Variants in VPS8 observed in about 807,000 individuals in gnomAD.
VPS8 encodes VPS8 subunit of CORVET complex, also known as vacuolar protein sorting-associated protein 8 homolog.
Under a neutral mutation model 216.4 loss-of-function variants are expected in VPS8, and 129 were observed. That is an observed-to-expected ratio of 0.60 (90% confidence interval 0.52 to 0.69). VPS8 has a LOEUF of 0.69. Ranked by LOEUF, VPS8 falls within the 30% of genes least tolerant of loss-of-function variation. The pLI, the probability that VPS8 is intolerant of heterozygous loss-of-function variation, is 0.00. For missense variants in VPS8, 1,531 were observed against 1,683.5 expected (o/e 0.91, Z 1.59); for synonymous variants, 571 against 565.4 (o/e 1.01, Z -0.14).
In VPS8 at chr3:184,866,932, C is replaced by T. The variant is rs771339660; in HGVS notation, c.1452C>T (p.Ile484=). The T allele has an allele frequency of 1.9e-6, 3 of 1,613,052 alleles. No homozygotes were observed. Among genetic ancestry groups the T allele is most frequent in the Non-Finnish European group, 2.5e-6 (3 of 1,179,586 alleles). The change falls in exon 17 of 48, where the codon ATC becomes ATT. Residue 484 remains isoleucine (I), a synonymous_variant. Coordinates refer to ENST00000625842, the MANE Select transcript of VPS8 (RefSeq NM_001009921.3). The part of the protein sequence containing the change: ...YQSISSYGGQ[I]FYLGTKSVYV... ...CCATCAGTAGCTATGGTGGTCAGAT[C>T]TTTTATTTGGGGACAAAAGTAAGCT...
At chr3:184,868,126 A>T in intron 18 of VPS8, 67 bp downstream of exon 18, 1 of 1,525,262 alleles carries the variant, frequency 6.6e-7, no homozygotes, top group African/African-American at 1.4e-5. Flanking sequence ...TTCTGTTTTG[A>T]CTTTTCAGAA....
chr3:185,002,410 G>A (rs1448730200), intron 45 of VPS8, among the ~76,000 whole-genome samples: 4 of 152,048 alleles, frequency 2.6e-5, no homozygotes, highest in Admixed American at 6.6e-5. Context: ...CTACCTTCTC[G>A]AGCATCAAGA....
At chr3:184,944,324 A>C (rs1341885216) in intron 36 of VPS8, among the ~76,000 whole-genome samples, 4 of 152,192 alleles carry the variant, frequency 2.6e-5, no homozygotes, top group African/African-American at 7.2e-5. Context: ...GAAGGAAATT[A>C]CTTGCCTGAA....
intron 25 of VPS8, among the ~76,000 whole-genome samples, chr3:184,905,226 A>G (rs933225410): frequency 6.6e-6 from 1 of 152,134 alleles, no homozygotes. Flanking sequence ...TTTTCAACAC[A>G]TGAGTTTTGG....
chr3:184,949,773 T>C (rs1744317346), intron 36 of VPS8, among the ~76,000 whole-genome samples: 1 of 152,220 alleles, frequency 6.6e-6, no homozygotes, highest in Non-Finnish European at 1.5e-5. Context: ...TTGGCAAAAC[T>C]AAGGATTACA....
intron 46 of VPS8, among the ~76,000 whole-genome samples, chr3:185,036,558 C>A (rs1389691804): frequency 1.3e-5 from 2 of 151,636 alleles, no homozygotes; most frequent in African/African-American, 2.4e-5. Context: ...TTGATGAAGT[C>A]TTTAATGATT....
chr3:184,858,438 G>A (rs904654778), intron 14 of VPS8, among the ~76,000 whole-genome samples: 2 of 152,180 alleles, frequency 1.3e-5, no homozygotes, highest in Non-Finnish European at 2.9e-5. Flanking sequence ...CTAAAGAACT[G>A]AAGGTCTTGG....
intron 35 of VPS8, among the ~76,000 whole-genome samples, chr3:184,937,062 A>G (rs982334589): frequency 6.6e-6 from 1 of 152,160 alleles, no homozygotes. Context: ...TTTGAGATTC[A>G]TATTTATTCA....
chr3:184,917,436 C>A (rs1737793845), intron 28 of VPS8, among the ~76,000 whole-genome samples: 1 of 152,160 alleles, frequency 6.6e-6, no homozygotes, highest in Non-Finnish European at 1.5e-5. Context: ...TTCCCTCCTT[C>A]CTTCATTTTT....
At chr3:184,913,800 C>G (rs1578212986) in intron 26 of VPS8, among the ~76,000 whole-genome samples, 1 of 152,120 alleles carries the variant, frequency 6.6e-6, no homozygotes, top group Non-Finnish European at 1.5e-5. Flanking sequence ...CTACTGGTAT[C>G]TAGTGGGCAG....
At chr3:184,884,621 GA>G (rs1406416697) in intron 21 of VPS8, among the ~76,000 whole-genome samples, 1 of 152,084 alleles carries the variant, frequency 6.6e-6, no homozygotes, top group East Asian at 1.9e-4. Flanking sequence ...CTAACAGGCA[GA>G]TTTTTTTTTT....
In VPS8 at chr3:184,897,220, C is replaced by T. The variant is rs558303937; in HGVS notation, c.2005-1345C>T. 1.4e-4 allele frequency among the ~76,000 whole-genome samples: 21 copies of T among 152,190 alleles called. No individual in the cohort carries two copies. The East Asian group carries it at 4.1e-3, about 29-fold the overall frequency. ...AAAGAGGCTAGTTAGGAAGCTGGCC[C>T]AGGAGGTGATTCTGGCCAGAGATGG... On this transcript the variant is annotated intron_variant, in intron 23 of 47. Transcript: ENST00000625842.
chr3:184,842,209 A>AAAAAAAAAAAG (rs1553828675), intron 7 of VPS8, among the ~76,000 whole-genome samples: 4 of 149,376 alleles, frequency 2.7e-5, no homozygotes, highest in East Asian at 2.0e-4. Flanking sequence ...AAAAAAAAAA[A>AAAAAAAAAAAG]GAATATGTGA....
At chr3:184,843,124 A>C in intron 7 of VPS8, 116 bp from the exon 8 acceptor site, 1 of 651,994 alleles carries the variant, frequency 1.5e-6, no homozygotes, top group Non-Finnish European at 2.3e-6. Context: ...TCCCACAGAT[A>C]ACTAAAGCTT....
At chr3:184,957,616 T>A in intron 37 of VPS8, 95 bp downstream of exon 37, 1 of 1,389,664 alleles carries the variant, frequency 7.2e-7, no homozygotes, top group South Asian at 1.6e-5. Flanking sequence ...ATATATAATT[T>A]CTTTTTTAAA....
rs1339787625 is a variant in VPS8 at position 184,945,550 on chromosome 3, G to A, written c.3035+5307G>A. Among the ~76,000 whole-genome samples, 3 of 152,074 alleles carry A rather than the reference G, an allele frequency of 2.0e-5. No individual in the cohort carries two copies. In the East Asian group the frequency reaches 5.8e-4, roughly 29 times the overall value. ...CTTGTCACCACACCGCGCAGAAACAGTTACCAAAATCTATAAACTCTACCT... is the reference window on the plus strand; with the variant it reads ...CTTGTCACCACACCGCGCAGAAACAATTACCAAAATCTATAAACTCTACCT... On this transcript the variant is annotated intron_variant, in intron 36 of 47. Transcript: ENST00000625842.
intron 40 of VPS8, among the ~76,000 whole-genome samples, chr3:184,977,111 G>A (rs969903387): frequency 6.6e-6 from 1 of 152,100 alleles, no homozygotes; most frequent in South Asian, 2.1e-4. Flanking sequence ...TTCCTCCGCA[G>A]CGTTGTGAAT....
intron 46 of VPS8, among the ~76,000 whole-genome samples, chr3:185,044,585 G>A (rs1481418185): frequency 6.6e-6 from 1 of 151,916 alleles, no homozygotes; most frequent in Non-Finnish European, 1.5e-5. Context: ...CTTTTTAATT[G>A]TGGTATCGAA....
At position 184,847,909 on chromosome 3, in the gene VPS8, G is replaced by A. The variant is rs547315128; in HGVS notation, c.542-1162G>A. Among the ~76,000 whole-genome samples, 106 of 151,682 alleles carry A rather than the reference G, an allele frequency of 7.0e-4. 1 individual carries two copies. Among genetic ancestry groups the A allele is most frequent in the African/African-American group, 2.5e-3 (102 of 41,526 alleles). On this transcript the variant is annotated intron_variant, in intron 8 of 47. Transcript: ENST00000625842. ...GAATTGCTTGCTTTTAGCATATTTT[G>A]TTTGTTTGTTTGTTTGTTTTTGAGA...
Sources: allele counts gnomAD v4.1 joint callset (sites outside exome capture counted in the v4.1 genomes callset), GRCh38; gene constraint gnomAD v4.1.1; transcripts MANE v1.5; gene names NCBI Gene and HGNC (gene_info 2026-07-23, HGNC 2026-07-21).